The following PVT1 variants were observed in gnomAD, a reference collection of about 807,000 sequenced individuals.
The protein encoded by PVT1 is Pvt1 oncogene.
chr8:128,051,666 A>G (rs940270966), intron 4 of PVT1, among the ~76,000 whole-genome samples: 3 of 151,900 alleles, frequency 2.0e-5, no homozygotes, highest in African/African-American at 7.3e-5. Context: ...ACTAATTTCA[A>G]ATGGCCTGTC....
chr8:127,847,236 A>C (rs1268338713), intron 2 of PVT1, among the ~76,000 whole-genome samples: 1 of 74,556 alleles, frequency 1.3e-5, no homozygotes. Context: ...CTTGGCCCCA[A>C]ATGACACTTT....
intron 4 of PVT1, among the ~76,000 whole-genome samples, chr8:128,006,739 T>C: frequency 6.6e-6 from 1 of 152,342 alleles, no homozygotes; most frequent in South Asian, 2.1e-4. Context: ...TGCAATTTTT[T>C]AAAAATCAGT....
At chr8:127,851,431 C>T (rs965459603) in intron 2 of PVT1, among the ~76,000 whole-genome samples, 4 of 152,194 alleles carry the variant, frequency 2.6e-5, no homozygotes, top group African/African-American at 4.8e-5. Context: ...CACCCCCGCC[C>T]ATGGCCCTCA....
chr8:127,856,592 C>T (rs780433383), intron 2 of PVT1, among the ~76,000 whole-genome samples: 62 of 152,244 alleles, frequency 4.1e-4, no homozygotes, highest in Non-Finnish European at 6.5e-4. Flanking sequence ...CCTCCTGCCT[C>T]GGCCTTCCAA....
intron 3 of PVT1, among the ~76,000 whole-genome samples, chr8:127,958,998 G>A (rs1013896735): frequency 6.6e-6 from 1 of 151,734 alleles, no homozygotes; most frequent in African/African-American, 2.4e-5. Context: ...CAGGTGGCCT[G>A]GGTCCTCATG....
chr8:127,832,529 G>A (rs1814861442), intron 2 of PVT1, among the ~76,000 whole-genome samples: 1 of 152,240 alleles, frequency 6.6e-6, no homozygotes, highest in Admixed American at 6.5e-5. Context: ...CAGTGAGTGA[G>A]TTCTATGTCA....
intron 4 of PVT1, among the ~76,000 whole-genome samples, chr8:128,056,718 A>C (rs1489920117): frequency 6.6e-6 from 1 of 152,170 alleles, no homozygotes. Flanking sequence ...AAAATGCAGA[A>C]TCCTGGGCCC....
At chr8:128,047,589 C>T (rs1348389335) in intron 4 of PVT1, among the ~76,000 whole-genome samples, 1 of 152,212 alleles carries the variant, frequency 6.6e-6, no homozygotes, top group Non-Finnish European at 1.5e-5. Context: ...TTAAAAAACA[C>T]TGGGCGAATC....
intron 3 of PVT1, chr8:127,948,456 C>T: frequency 6.2e-6 from 1 of 161,430 alleles, no homozygotes; most frequent in Non-Finnish European, 1.4e-5. Flanking sequence ...TTTCTCTATG[C>T]CAGACTAGTA....
intron 2 of PVT1, among the ~76,000 whole-genome samples, chr8:127,857,848 A>C (rs1346229411): frequency 2.0e-5 from 3 of 152,236 alleles, no homozygotes; most frequent in Non-Finnish European, 4.4e-5. Context: ...AATGGATATT[A>C]AATCATTTGT....
chr8:127,873,671 G>GT (rs1815375971), intron 2 of PVT1, among the ~76,000 whole-genome samples: 1 of 152,190 alleles, frequency 6.6e-6, no homozygotes, highest in South Asian at 2.1e-4. Flanking sequence ...CCCTCTTGGT[G>GT]TACACAGTAT....
chr8:128,070,296 T>A (rs2130134658), exon 5 of PVT1: 1 of 152,512 alleles, frequency 6.6e-6, no homozygotes, highest in East Asian at 1.9e-4. Context: ...AGTTCTGTGA[T>A]AAGCTCTTCA....
intron 2 of PVT1, among the ~76,000 whole-genome samples, chr8:127,830,816 T>C (rs113029368): frequency 0.034 from 5,105 of 151,962 alleles, 228 homozygotes; most frequent in East Asian, 0.15. Context: ...CAGCTGCCAG[T>C]GAATATAAAG....
At chr8:128,084,164 A>G (rs1242171636) in intron 5 of PVT1, among the ~76,000 whole-genome samples, 1 of 152,122 alleles carries the variant, frequency 6.6e-6, no homozygotes, top group Admixed American at 6.5e-5. Context: ...TAAACCACTC[A>G]AAATCTTCCC....
At chr8:127,880,456 AT>A (rs537735320) in intron 2 of PVT1, among the ~76,000 whole-genome samples, 223 of 139,918 alleles carry the variant, frequency 1.6e-3, no homozygotes, top group Non-Finnish European at 1.6e-3. Flanking sequence ...CGCCCGGCTA[AT>A]TTTTTTTTTT....
chr8:127,863,251 A>C (rs1439553711), intron 2 of PVT1, among the ~76,000 whole-genome samples: 2 of 152,012 alleles, frequency 1.3e-5, no homozygotes, highest in African/African-American at 2.4e-5. Flanking sequence ...TGCTGGGATT[A>C]CAGGTGTCCG....
intron 6 of PVT1, among the ~76,000 whole-genome samples, chr8:128,098,262 A>T (rs548289414): frequency 1.3e-5 from 2 of 152,288 alleles, no homozygotes; most frequent in South Asian, 4.2e-4. Flanking sequence ...TGCTGTGTTT[A>T]GAGTGTCACA....
chr8:128,033,938 C>T (rs17200329), intron 4 of PVT1, among the ~76,000 whole-genome samples: 23,944 of 152,164 alleles, frequency 0.16, 2,074 homozygotes, highest in South Asian at 0.26. Flanking sequence ...GTTAAGAAGA[C>T]GTATTTGAAA....
At chr8:127,821,886 A>G (rs1321352571) in intron 2 of PVT1, among the ~76,000 whole-genome samples, 1 of 152,228 alleles carries the variant, frequency 6.6e-6, no homozygotes, top group Non-Finnish European at 1.5e-5. Context: ...GCTATGCTAA[A>G]CTGTGACACA....
Sources: allele counts gnomAD v4.1 joint callset (sites outside exome capture counted in the v4.1 genomes callset), GRCh38; gene constraint gnomAD v4.1.1; transcripts MANE v1.5; gene names NCBI Gene and HGNC (gene_info 2026-07-23, HGNC 2026-07-21).